LRRC2: variants seen among roughly 807,000 people sequenced by gnomAD.
The protein encoded by LRRC2 is leucine rich repeat containing 2.
In LRRC2, 27 loss-of-function variants were observed where a neutral mutation model predicts 40.2. That is an observed-to-expected ratio of 0.67 (90% CI 0.49 to 0.93). The LOEUF is 0.93. Ranked by LOEUF, LRRC2 falls within the 40% of genes least tolerant of loss-of-function variation. The pLI, the probability that LRRC2 is intolerant of heterozygous loss-of-function variation, is 0.00. For missense variants in LRRC2, 402 were observed against 439.6 expected (o/e 0.91, Z 0.76); for synonymous variants, 147 against 158.9 (o/e 0.92, Z 0.56).
chr3:46,554,381 C>G (rs1704739716), intron 1 of LRRC2, among the ~76,000 whole-genome samples: 1 of 152,102 alleles, frequency 6.6e-6, no homozygotes, highest in African/African-American at 2.4e-5. Context: ...TGCAGTGGCT[C>G]ATGCCTGTAA....
rs1468804723 is a variant in LRRC2, at chr3:46,516,376, T to C, written c.*2638A>G. ...TGTTTTACACCTGTTGAGAATAAAA[T>C]GTTTGGACTTATGAGTAAGCCCACC... On this transcript the variant is annotated 3_prime_UTR_variant, in exon 9 of 9. Transcript: ENST00000395905. The C allele has an allele frequency of 5.3e-5, 8 of 152,184 alleles. No homozygotes were observed. In the East Asian group the frequency reaches 1.5e-3, roughly 29 times the overall value. 9.4% of individuals were successfully genotyped at this position (152,184 alleles called of 1,614,324 possible).
intron 1 of LRRC2, among the ~76,000 whole-genome samples, chr3:46,557,103 A>C (rs2107052363): frequency 6.6e-6 from 1 of 152,350 alleles, no homozygotes; most frequent in East Asian, 1.9e-4. Context: ...ACTTGCACGT[A>C]TATGCCAAGA....
chr3:46,522,376 A>AAAAAAAAT (rs1703978631), intron 7 of LRRC2, among the ~76,000 whole-genome samples: 1 of 135,958 alleles, frequency 7.4e-6, no homozygotes, highest in South Asian at 2.5e-4. Flanking sequence ...CTCAATCTCA[A>AAAAAAAAT]AAATAAATAA....
chr3:46,519,943 C>T (rs1401755437), intron 8 of LRRC2, among the ~76,000 whole-genome samples: 1 of 152,122 alleles, frequency 6.6e-6, no homozygotes, highest in Non-Finnish European at 1.5e-5. Context: ...AGTGTCATTT[C>T]TGTAGGACAA....
At chr3:46,554,641 T>A (rs1314050027) in intron 1 of LRRC2, among the ~76,000 whole-genome samples, 1 of 137,346 alleles carries the variant, frequency 7.3e-6, no homozygotes, top group African/African-American at 2.7e-5. Context: ...GACTCTGTCT[T>A]AAAAAAAAAA....
chr3:46,545,615 A>G (rs1325554238), intron 2 of LRRC2, among the ~76,000 whole-genome samples: 1 of 152,230 alleles, frequency 6.6e-6, no homozygotes. Context: ...GAGGAGCTTC[A>G]GTGTATAAAA....
At chr3:46,551,744 C>T in intron 1 of LRRC2, 134 bp from the exon 2 acceptor site, 1 of 253,134 alleles carries the variant, frequency 4.0e-6, no homozygotes, top group Non-Finnish European at 6.7e-6. Flanking sequence ...TCAAGGATGA[C>T]AGTTTGCTTT....
chr3:46,533,758 C>T (rs867989817), intron 4 of LRRC2, among the ~76,000 whole-genome samples: 25 of 57,142 alleles, frequency 4.4e-4, no homozygotes, highest in Admixed American at 6.6e-4. Flanking sequence ...TCTTCCTTCC[C>T]TCCCTCCCTC....
chr3:46,536,357 G>A (rs899086286), intron 4 of LRRC2, among the ~76,000 whole-genome samples: 1 of 152,122 alleles, frequency 6.6e-6, no homozygotes, highest in African/African-American at 2.4e-5. Context: ...ATAATCGCTT[G>A]GAATAACAAC....
intron 1 of LRRC2, among the ~76,000 whole-genome samples, chr3:46,560,263 C>T (rs17078953): frequency 0.43 from 65,210 of 152,076 alleles, 14,526 homozygotes; most frequent in East Asian, 0.78. Flanking sequence ...AGAAACCACA[C>T]TGGGGAGCCC....
intron 3 of LRRC2, among the ~76,000 whole-genome samples, chr3:46,543,033 C>CTT (rs1461301328): frequency 6.6e-6 from 1 of 152,146 alleles, no homozygotes; most frequent in Non-Finnish European, 1.5e-5. Flanking sequence ...TGAAAAATCC[C>CTT]TTAACACACA....
Position 46,516,980 on chromosome 3 carries a change from G to C in LRRC2, c.*2034C>G, listed in dbSNP as rs557546430. On this transcript the variant is annotated 3_prime_UTR_variant, in exon 9 of 9. Coordinates refer to ENST00000395905, the MANE Select transcript of LRRC2 (RefSeq NM_024512.5). ...ATCGCAACTGGCCCCACCTTGGAAC[G>C]GTTTGGAGCACTCTCTCATGGGAAT... 2.0e-5 allele frequency: 3 copies of C among 152,292 alleles called. No individual in the cohort carries two copies. Among genetic ancestry groups the C allele is most frequent in the East Asian group, 1.9e-4 (1 of 5,186 alleles). The allele number at this position is 152,292 out of a possible 1,614,324, so 9.4% of individuals were successfully genotyped here. A position where few individuals can be genotyped will look rare whatever the true frequency, so the allele number is the denominator to read the frequency against.
rs115094733 is a variant in LRRC2, at chr3:46,536,197, A to T, written c.490+2848T>A. ...GCATGAGTGTATGTACAGTGTGAAT[A>T]CCCAGGAAACTTAGCGCTTACTGAG... On this transcript the variant is annotated intron_variant, in intron 4 of 8. Transcript: ENST00000395905. Among the ~76,000 whole-genome samples the T allele has an allele frequency of 5.1e-3, 781 of 152,308 alleles. 6 individuals carry two copies. The highest frequency in any genetic ancestry group is 0.018 in the African/African-American group (730 of 41,558).
At chr3:46,549,186 G>A (rs1704590936) in intron 2 of LRRC2, among the ~76,000 whole-genome samples, 1 of 152,186 alleles carries the variant, frequency 6.6e-6, no homozygotes, top group South Asian at 2.1e-4. Context: ...AAGCTAGGAG[G>A]TTTTATTTGT....
intron 2 of LRRC2, among the ~76,000 whole-genome samples, chr3:46,549,948 G>A (rs939909927): frequency 7.4e-5 from 11 of 147,686 alleles, no homozygotes; most frequent in Admixed American, 6.7e-4. Context: ...TAGGTCTCTT[G>A]GATGCGTTGC....
intron 6 of LRRC2, among the ~76,000 whole-genome samples, chr3:46,529,079 T>G (rs1200988083): frequency 6.6e-6 from 1 of 151,236 alleles, no homozygotes; most frequent in Non-Finnish European, 1.5e-5. Flanking sequence ...ACTGCACTAC[T>G]GCACTCCAGC....
chr3:46,524,042 T>G (rs1162663654), intron 7 of LRRC2, among the ~76,000 whole-genome samples: 1 of 152,224 alleles, frequency 6.6e-6, no homozygotes, highest in East Asian at 1.9e-4. Flanking sequence ...ATATTTACAT[T>G]TTTGTGTAAT....
intron 7 of LRRC2, 98 bp from the exon 8 acceptor site, chr3:46,521,756 CT>C: frequency 7.9e-7 from 1 of 1,259,796 alleles, no homozygotes; most frequent in Non-Finnish European, 1.1e-6. Flanking sequence ...CAAGTTCTGG[CT>C]TACCTTTAAA....
chr3:46,528,679 C>G (rs1317445072), intron 6 of LRRC2, among the ~76,000 whole-genome samples: 1 of 152,162 alleles, frequency 6.6e-6, no homozygotes, highest in Non-Finnish European at 1.5e-5. Flanking sequence ...CTAAAAGATT[C>G]CCTCTTAGCC....
Sources: allele counts gnomAD v4.1 joint callset (sites outside exome capture counted in the v4.1 genomes callset), GRCh38; gene constraint gnomAD v4.1.1; transcripts MANE v1.5; gene names NCBI Gene and HGNC (gene_info 2026-07-23, HGNC 2026-07-21).